WNT9B: variants seen among roughly 807,000 people sequenced by gnomAD.
WNT9B encodes Wnt family member 9B.
In WNT9B, 12 loss-of-function variants were observed where a neutral mutation model predicts 30.2. That is an observed-to-expected ratio of 0.40 (90% CI 0.26 to 0.64). The LOEUF is 0.64. Among genes scored for constraint, WNT9B ranks in the 30% least tolerant of loss-of-function variants. The pLI is 0.42. For missense variants in WNT9B, 442 were observed against 485.2 expected, an observed-to-expected ratio of 0.91 and a Z score of 0.84; for synonymous variants, 218 against 216.9, an observed-to-expected ratio of 1.01 and a Z score of -0.05.
chr17:46,834,807 ATATACTCT>A (rs2084605757), intron 1 of WNT9B, among the ~76,000 whole-genome samples: 1 of 152,066 alleles, frequency 6.6e-6, no homozygotes, highest in African/African-American at 2.4e-5. Flanking sequence ...CCCCACGCTA[ATATACTCT>A]TAGAGTCTGT....
intron 1 of WNT9B, among the ~76,000 whole-genome samples, chr17:46,845,602 G>A (rs995313336): frequency 6.8e-6 from 1 of 146,622 alleles, no homozygotes; most frequent in African/African-American, 2.5e-5. Context: ...CGATTTTCCT[G>A]CCTTGGCCTC....
intron 1 of WNT9B, among the ~76,000 whole-genome samples, chr17:46,870,324 G>T (rs569343443): frequency 2.6e-5 from 4 of 152,352 alleles, no homozygotes; most frequent in Non-Finnish European, 2.9e-5. Flanking sequence ...CAGTCAAGGC[G>T]TGGCCTCCTC....
upstream of WNT9B, among the ~76,000 whole-genome samples, chr17:46,849,237 G>A (rs992363938): frequency 2.6e-5 from 4 of 152,192 alleles, no homozygotes; most frequent in Admixed American, 2.6e-4. Flanking sequence ...TGTCTCCATC[G>A]AGTCTTGGGT....
In WNT9B at chr17:46,879,260, A is replaced by G. The variant is rs1215588825; in HGVS notation, c.*2542A>G. ...ACAGCCTGACCTGACCGGGTCCCCC[A>G]CTGAGCAGGAGGCCGGGTCGCTGGG... On this transcript the variant is annotated 3_prime_UTR_variant, in exon 4 of 4. Coordinates refer to ENST00000290015, the MANE Select transcript of WNT9B (RefSeq NM_003396.3). Among the ~76,000 whole-genome samples, 1 of 152,120 alleles carries G rather than the reference A, an allele frequency of 6.6e-6. No individual in the cohort carries two copies. Among genetic ancestry groups the G allele is most frequent in the Non-Finnish European group, 1.5e-5 (1 of 68,010 alleles).
Position 46,876,862 on chromosome 17 carries a change from C to T in WNT9B, c.*144C>T, listed in dbSNP as rs2085354898. 2 of 1,404,594 alleles carry T rather than the reference C, an allele frequency of 1.4e-6. No homozygotes were observed. The highest frequency in any genetic ancestry group is 6.2e-5 in the Admixed American group (2 of 32,434). 87.0% of individuals were successfully genotyped at this position (1,404,594 alleles called of 1,614,324 possible). A position where few individuals can be genotyped will look rare whatever the true frequency, so the allele number is the denominator to read the frequency against. On this transcript the variant is annotated 3_prime_UTR_variant, in exon 4 of 4. Transcript: ENST00000290015. ...CCAATGCACACGAGTGTGCCACTCA[C>T]CACCATTCCTTGGCCAGCCTTTTGC...
At chr17:46,842,436 G>A (rs574737140) in intron 1 of WNT9B, among the ~76,000 whole-genome samples, 6 of 152,220 alleles carry the variant, frequency 3.9e-5, no homozygotes, top group African/African-American at 2.4e-5. Flanking sequence ...GTGCAGTGGC[G>A]CGATCACGGC....
At chr17:46,880,947 G>T (rs756063933), downstream of WNT9B, among the ~76,000 whole-genome samples, 160 of 152,154 alleles carry the variant, frequency 1.1e-3, no homozygotes, top group Non-Finnish European at 1.9e-3. Flanking sequence ...AGCCAACCAG[G>T]GGCCTTCAGG....
rs1276939802 is a variant in WNT9B, at chr17:46,851,832, C to G, written c.77+117C>G. 4.2e-6 allele frequency: 2 copies of G among 479,496 alleles called. No homozygotes were observed. Among genetic ancestry groups the G allele is most frequent in the South Asian group, 9.0e-5 (1 of 11,088 alleles). 29.7% of individuals were successfully genotyped at this position (479,496 alleles called of 1,614,324 possible). A position where few individuals can be genotyped will look rare whatever the true frequency, so the allele number is the denominator to read the frequency against. On this transcript the variant is annotated intron_variant, in intron 1 of 3. Coordinates refer to ENST00000290015, the MANE Select transcript of WNT9B (RefSeq NM_003396.3). This position sits in a 1 kb window ranked among gnomAD's most constrained non-coding sequence, Gnocchi z 4.3. ...CTTGGCCCCGCCGAGGTCTCGAACT[C>G]AGACCCTAGCCCGGCGCGACCCAAC...
At chr17:46,837,177 G>A (rs771026216) in intron 1 of WNT9B, among the ~76,000 whole-genome samples, 5 of 151,864 alleles carry the variant, frequency 3.3e-5, no homozygotes, top group Non-Finnish European at 5.9e-5. Context: ...TCTTGACCTC[G>A]TGATCTGCCC....
intron 1 of WNT9B, among the ~76,000 whole-genome samples, chr17:46,841,038 T>G (rs967373615): frequency 3.9e-5 from 6 of 152,142 alleles, no homozygotes; most frequent in Non-Finnish European, 7.3e-5. Flanking sequence ...TTCCCGATGC[T>G]ACTTCCAACA....
At chr17:46,833,730 G>C (rs892413180) in intron 1 of WNT9B, among the ~76,000 whole-genome samples, 2 of 152,180 alleles carry the variant, frequency 1.3e-5, no homozygotes, top group African/African-American at 4.8e-5. Flanking sequence ...GTGAGTGAGC[G>C]TCCTGGAAAA....
At chr17:46,834,552 C>G (rs527640373) in intron 1 of WNT9B, among the ~76,000 whole-genome samples, 9 of 152,314 alleles carry the variant, frequency 5.9e-5, no homozygotes, top group Non-Finnish European at 7.3e-5. Context: ...CTGATTTCAT[C>G]TCAAGAACGG....
chr17:46,859,206 C>T (rs1053279505), intron 1 of WNT9B, among the ~76,000 whole-genome samples: 1 of 151,580 alleles, frequency 6.6e-6, no homozygotes, highest in Non-Finnish European at 1.5e-5. Context: ...GAACTCCTGA[C>T]CTCAGGTGAT....
chr17:46,835,999 T>C (rs1344741116), intron 1 of WNT9B, among the ~76,000 whole-genome samples: 2 of 152,014 alleles, frequency 1.3e-5, no homozygotes, highest in Admixed American at 6.5e-5. Flanking sequence ...CTTAAAGTTA[T>C]TGTGCCCACA....
intron 2 of WNT9B, among the ~76,000 whole-genome samples, chr17:46,873,850 A>T (rs2085297346): frequency 6.6e-6 from 1 of 152,016 alleles, no homozygotes; most frequent in Non-Finnish European, 1.5e-5. Flanking sequence ...ATTAGCTGGC[A>T]TGGTGGCAGG....
intron 1 of WNT9B, among the ~76,000 whole-genome samples, chr17:46,841,592 C>T (rs1227368540): frequency 1.3e-5 from 2 of 151,590 alleles, no homozygotes; most frequent in Non-Finnish European, 2.9e-5. Context: ...AACAGGGCTT[C>T]GGAGAAGGGA....
At chr17:46,886,730 TAAAC>T (rs2085493142), downstream of WNT9B, 1 of 152,270 alleles carries the variant, frequency 6.6e-6, no homozygotes, top group Admixed American at 6.5e-5. Context: ...TTAAGATCTT[TAAAC>T]AAAATTTATT....
chr17:46,840,890 G>C (rs1249234341), intron 1 of WNT9B, among the ~76,000 whole-genome samples: 1 of 152,178 alleles, frequency 6.6e-6, no homozygotes, highest in Non-Finnish European at 1.5e-5. Flanking sequence ...GTAGATTCTG[G>C]ATATTAGCCC....
At chr17:46,834,753 C>T (rs1460184831) in intron 1 of WNT9B, among the ~76,000 whole-genome samples, 2 of 152,130 alleles carry the variant, frequency 1.3e-5, no homozygotes, top group Non-Finnish European at 2.9e-5. Context: ...ACTCAGCACC[C>T]CTGTTATTCC....
Sources: allele counts gnomAD v4.1 joint callset (sites outside exome capture counted in the v4.1 genomes callset), GRCh38; gene constraint gnomAD v4.1.1; non-coding constraint Gnocchi (gnomAD v3.1); transcripts MANE v1.5; gene names NCBI Gene and HGNC (gene_info 2026-07-23, HGNC 2026-07-21).